The following RFX3 variants were observed in gnomAD, a reference collection of about 807,000 sequenced individuals.
The protein encoded by RFX3 is transcription factor RFX3.
Under a neutral mutation model 98.6 loss-of-function variants are expected in RFX3, and 14 were observed. That is an observed-to-expected ratio of 0.14 (90% CI 0.09 to 0.22). The LOEUF is 0.22. Ranked by LOEUF, RFX3 falls within the 10% of genes least tolerant of loss-of-function variation. The pLI, the probability that RFX3 is intolerant of heterozygous loss-of-function variation, is 1.00. For synonymous variants in RFX3, 383 were observed against 328.4 expected (o/e 1.17, Z -1.80); for missense variants, 639 against 926.9 (o/e 0.69, Z 4.03).
At chr9:3,322,584 T>C (rs1238179224) in intron 4 of RFX3, among the ~76,000 whole-genome samples, 2 of 151,938 alleles carry the variant, frequency 1.3e-5, no homozygotes, top group Admixed American at 1.3e-4. Context: ...ATACAAAAGA[T>C]TAGCTGGGTT....
chr9:3,425,518 G>A (rs142406702), intron 1 of RFX3, among the ~76,000 whole-genome samples: 44 of 152,190 alleles, frequency 2.9e-4, no homozygotes, highest in Middle Eastern at 3.4e-3. Context: ...GTACCATATC[G>A]TTCCCCATGT....
At chr9:3,386,316 A>T (rs887446675) in intron 2 of RFX3, among the ~76,000 whole-genome samples, 5 of 152,134 alleles carry the variant, frequency 3.3e-5, no homozygotes, top group African/African-American at 1.2e-4. Context: ...AATAATAACA[A>T]TGAAAATAAT....
At chr9:3,505,311 T>TAAAATAAA (rs1564187176) in intron 1 of RFX3, among the ~76,000 whole-genome samples, 1 of 76,268 alleles carries the variant, frequency 1.3e-5, no homozygotes, top group African/African-American at 8.1e-5. Flanking sequence ...TATATAAATA[T>TAAAATAAA]ATATTAATGT....
At chr9:3,326,012 A>G (rs1284127058) in intron 4 of RFX3, among the ~76,000 whole-genome samples, 1 of 152,166 alleles carries the variant, frequency 6.6e-6, no homozygotes, top group Admixed American at 6.5e-5. Flanking sequence ...GATCCCTAAC[A>G]TATTCAGGTC....
chr9:3,522,725 A>G (rs548158091), intron 1 of RFX3, among the ~76,000 whole-genome samples: 3 of 152,116 alleles, frequency 2.0e-5, no homozygotes, highest in Non-Finnish European at 4.4e-5. Flanking sequence ...TACCAACACA[A>G]TATCAACTTT....
intron 2 of RFX3, among the ~76,000 whole-genome samples, chr9:3,384,742 C>T (rs1839527986): frequency 6.6e-6 from 1 of 152,118 alleles, no homozygotes; most frequent in East Asian, 1.9e-4. Context: ...GCTCAAGATA[C>T]CAAGACACCT....
chr9:3,248,125 C>T lies in RFX3; in HGVS notation c.1875G>A (p.Leu625=), dbSNP rs951724980. 2.5e-6 allele frequency: 4 copies of T among 1,613,788 alleles called. No individual in the cohort carries two copies. The East Asian group carries it at 6.7e-5, about 27-fold the overall frequency. ...TATATTCGTCGTAGAGTAGACGGAT[C>T]AGGTGGAAGGAGCCAAAGCTAGCAG... ...RSAASFGSFH[L]IRLLYDEYMF... is the part of the protein sequence containing the mutation. The change falls in exon 15 of 17, where the codon CTG becomes CTA. Residue 625 remains leucine (L), a synonymous_variant. Transcript: ENST00000617270.
chr9:3,291,983 C>T lies in RFX3; in HGVS notation c.731+1094G>A, dbSNP rs137885338. On this transcript the variant is annotated intron_variant, in intron 6 of 16. Transcript: ENST00000617270. ...AAGGCAGGAGAATCATTTGAACCTG[C>T]GAGGCAGAGGTTGCAGTGAGCTGAG... Among the ~76,000 whole-genome samples, 513 of 134,346 alleles carry T rather than the reference C, an allele frequency of 3.8e-3. 8 individuals are homozygous for T. The highest frequency in any genetic ancestry group is 0.014 in the African/African-American group (496 of 36,404). The allele number at this position is 134,346 out of a possible 152,430, so 88.1% of individuals were successfully genotyped here.
At chr9:3,321,448 C>G (rs1563923063) in intron 4 of RFX3, among the ~76,000 whole-genome samples, 1 of 152,128 alleles carries the variant, frequency 6.6e-6, no homozygotes, top group Non-Finnish European at 1.5e-5. Context: ...GCTTACCAAC[C>G]TCTTCCGCAT....
At chr9:3,422,145 G>C (rs1328008258) in intron 1 of RFX3, among the ~76,000 whole-genome samples, 1 of 152,142 alleles carries the variant, frequency 6.6e-6, no homozygotes, top group East Asian at 1.9e-4. Context: ...TGAACCCATG[G>C]GATTTACCTC....
At chr9:3,444,000 T>TACACA (rs1322633332) in intron 1 of RFX3, among the ~76,000 whole-genome samples, 1 of 152,196 alleles carries the variant, frequency 6.6e-6, no homozygotes, top group South Asian at 2.1e-4. Context: ...ACAGTCTGTG[T>TACACA]AACAGTTTGG....
chr9:3,501,598 C>A (rs1283225432), intron 1 of RFX3, among the ~76,000 whole-genome samples: 2 of 148,236 alleles, frequency 1.3e-5, no homozygotes, highest in African/African-American at 5.0e-5. Flanking sequence ...ACTCTTTCAC[C>A]CAGGCTGGAG....
At chr9:3,277,590 T>C in intron 7 of RFX3, 129 bp from the exon 8 acceptor site, 1 of 746,386 alleles carries the variant, frequency 1.3e-6, no homozygotes, top group South Asian at 2.5e-5. Flanking sequence ...GTAGGATTTT[T>C]TTCCTTGATA....
chr9:3,278,584 C>T (rs187769896), intron 7 of RFX3, among the ~76,000 whole-genome samples: 2 of 151,844 alleles, frequency 1.3e-5, no homozygotes, highest in East Asian at 3.9e-4. Context: ...AATATGTGAA[C>T]AGGACATACT....
intron 2 of RFX3, among the ~76,000 whole-genome samples, chr9:3,363,660 G>A (rs1836723318): frequency 6.6e-6 from 1 of 152,076 alleles, no homozygotes; most frequent in African/African-American, 2.4e-5. Flanking sequence ...AGTAAAAATG[G>A]TAGGCATTTT....
intron 1 of RFX3, among the ~76,000 whole-genome samples, chr9:3,419,243 T>C (rs185905143): frequency 2.0e-5 from 3 of 152,166 alleles, no homozygotes; most frequent in Admixed American, 1.3e-4. Flanking sequence ...AGCACAAAAA[T>C]AGATGCTGTA....
chr9:3,498,742 CAA>C (rs1317444644), intron 1 of RFX3, among the ~76,000 whole-genome samples: 4 of 152,086 alleles, frequency 2.6e-5, no homozygotes, highest in African/African-American at 9.7e-5. Flanking sequence ...TTTCCCAAAT[CAA>C]ACTAGCTTAC....
At chr9:3,230,161 T>C (rs1818282416) in intron 15 of RFX3, among the ~76,000 whole-genome samples, 1 of 152,194 alleles carries the variant, frequency 6.6e-6, no homozygotes, top group Non-Finnish European at 1.5e-5. Flanking sequence ...ACAATTCAGG[T>C]TACTTAAAAT....
intron 2 of RFX3, among the ~76,000 whole-genome samples, chr9:3,389,519 T>G (rs1299861408): frequency 6.6e-6 from 1 of 152,126 alleles, no homozygotes; most frequent in East Asian, 1.9e-4. Context: ...TGATGTTTTG[T>G]GAGATCATGA....
Sources: allele counts gnomAD v4.1 joint callset (sites outside exome capture counted in the v4.1 genomes callset), GRCh38; gene constraint gnomAD v4.1.1; transcripts MANE v1.5; gene names NCBI Gene and HGNC (gene_info 2026-07-23, HGNC 2026-07-21).